ASIC2: variants seen among roughly 807,000 people sequenced by gnomAD.
The protein encoded by ASIC2 is acid sensing ion channel subunit 2, also known as acid-sensing ion channel 2.
Under a neutral mutation model 57.3 loss-of-function variants are expected in ASIC2, and 25 were observed. The observed-to-expected ratio is 0.44, with a 90% CI of 0.32 to 0.61. The LOEUF (loss-of-function observed/expected upper bound fraction) is 0.61. Among genes scored for constraint, ASIC2 ranks in the 20% least tolerant of loss-of-function variants. ASIC2 has a pLI of 0.06. For synonymous variants in ASIC2, 319 were observed against 307.5 expected (o/e 1.04, Z -0.39); for missense variants, 641 against 738.1 (o/e 0.87, Z 1.52).
chr17:33,884,140 A>G (rs1914768624), intron 1 of ASIC2, among the ~76,000 whole-genome samples: 1 of 152,192 alleles, frequency 6.6e-6, no homozygotes, highest in African/African-American at 2.4e-5. Flanking sequence ...TGACCTCTGC[A>G]CCATTCCATC....
intron 1 of ASIC2, among the ~76,000 whole-genome samples, chr17:33,800,610 C>T (rs971237261): frequency 4.6e-5 from 7 of 152,112 alleles, no homozygotes; most frequent in Admixed American, 3.9e-4. Context: ...ATTCCAGGGA[C>T]CACTCACACC....
intron 1 of ASIC2, among the ~76,000 whole-genome samples, chr17:33,773,431 G>T (rs1046615014): frequency 1.3e-5 from 2 of 152,106 alleles, no homozygotes; most frequent in African/African-American, 4.8e-5. Flanking sequence ...TGGCCAAGTT[G>T]CAGATCCATA....
At chr17:34,122,072 GGTT>G (rs1356934482) in intron 1 of ASIC2, among the ~76,000 whole-genome samples, 2 of 152,130 alleles carry the variant, frequency 1.3e-5, no homozygotes, top group Non-Finnish European at 2.9e-5. Flanking sequence ...CCCAACAAAT[GGTT>G]GTTATCTTTT....
At chr17:33,350,687 A>AAAAAGAAAGAAAGAAAGAAAGAAAGAAAG (rs1908129738) in intron 1 of ASIC2, among the ~76,000 whole-genome samples, 1 of 145,556 alleles carries the variant, frequency 6.9e-6, no homozygotes, top group Non-Finnish European at 1.5e-5. Context: ...GTGAGAAAAA[A>AAAAAGAAAGAAAGAAAGAAAGAAAGAAAG]AAAGAAAGAA....
At chr17:34,099,733 G>GGAAA (rs566624092) in intron 1 of ASIC2, among the ~76,000 whole-genome samples, 32 of 126,368 alleles carry the variant, frequency 2.5e-4, no homozygotes, top group East Asian at 2.0e-3. Context: ...AAGGAAAGAA[G>GGAAA]GAAAGAAAGA....
At chr17:34,069,773 T>C (rs189446012) in intron 1 of ASIC2, 1 of 152,230 alleles carries the variant, frequency 6.6e-6, no homozygotes, top group South Asian at 2.1e-4. Flanking sequence ...AAGTCCAACA[T>C]AGCAGGTGTT....
Position 33,819,993 on chromosome 17 carries a change from G to C in ASIC2, c.555+335985C>G, listed in dbSNP as rs574764889. On this transcript the variant is annotated intron_variant, in intron 1 of 9. Coordinates refer to the ASIC2 transcript ENST00000359872. ...AATTCCCTTTGCTGCCTACCTCAAG[G>C]AGCTGAAAATCTGAGACTCTTATGG... 2.5e-3 allele frequency among the ~76,000 whole-genome samples: 375 copies of C among 152,174 alleles called. 2 individuals carry two copies. The highest frequency in any genetic ancestry group is 8.7e-3 in the African/African-American group (360 of 41,516).
chr17:33,601,446 G>C (rs889173183), intron 1 of ASIC2, among the ~76,000 whole-genome samples: 19 of 152,184 alleles, frequency 1.2e-4, no homozygotes, highest in African/African-American at 3.9e-4. Context: ...CCCAGCTGTG[G>C]CTCAGGCAGG....
chr17:33,564,051 A>G (rs987109650), intron 1 of ASIC2, among the ~76,000 whole-genome samples: 7 of 152,166 alleles, frequency 4.6e-5, no homozygotes, highest in Admixed American at 1.3e-4. Context: ...AGGAAGTCAC[A>G]TATTCCTGTG....
chr17:33,293,051 G>A lies in ASIC2; in HGVS notation c.-936C>T. The stretch of plus-strand genomic sequence containing the variant: ...CGCGTCTTCTCTCTGCCCCCGCGGC[G>A]ACAAGAGCTGGGGACTGCGGGGACC... On this transcript the variant is annotated 5_prime_UTR_variant, in exon 1 of 10. Coordinates refer to ENST00000225823, the MANE Select transcript of ASIC2 (RefSeq NM_183377.2). The A allele has an allele frequency of 1.0e-6, 1 of 985,042 alleles. No individual in the cohort carries two copies. Among genetic ancestry groups the A allele is most frequent in the Non-Finnish European group, 1.2e-6 (1 of 829,652 alleles). The allele number at this position is 985,042 out of a possible 1,614,324, so 61.0% of individuals were successfully genotyped here.
chr17:33,783,803 G>A (rs1911525722), intron 1 of ASIC2, among the ~76,000 whole-genome samples: 1 of 152,364 alleles, frequency 6.6e-6, no homozygotes, highest in African/African-American at 2.4e-5. Flanking sequence ...CAAATCATGT[G>A]CCCACTTTAG....
intron 1 of ASIC2, among the ~76,000 whole-genome samples, chr17:33,933,173 C>T (rs1209473863): frequency 6.6e-6 from 1 of 152,150 alleles, no homozygotes; most frequent in Non-Finnish European, 1.5e-5. Context: ...GTTACTTCTG[C>T]CTAAAACACT....
intron 1 of ASIC2, among the ~76,000 whole-genome samples, chr17:33,837,166 T>G (rs909103333): frequency 6.6e-6 from 1 of 152,176 alleles, no homozygotes; most frequent in Non-Finnish European, 1.5e-5. Context: ...TAAGTTTTCG[T>G]CTCTCCTTAG....
chr17:33,413,918 G>A (rs1280752805), intron 1 of ASIC2, among the ~76,000 whole-genome samples: 2 of 152,158 alleles, frequency 1.3e-5, no homozygotes, highest in East Asian at 1.9e-4. Flanking sequence ...GCTCTGCAGG[G>A]GCAAAGAGCA....
At chr17:34,024,669 C>A (rs1208585294) in intron 1 of ASIC2, among the ~76,000 whole-genome samples, 2 of 152,210 alleles carry the variant, frequency 1.3e-5, no homozygotes, top group East Asian at 1.9e-4. Context: ...CCGGCAGTGA[C>A]CCCAAGAGAC....
intron 1 of ASIC2, among the ~76,000 whole-genome samples, chr17:33,424,197 T>C (rs1199434548): frequency 6.6e-6 from 1 of 152,162 alleles, no homozygotes; most frequent in Non-Finnish European, 1.5e-5. Flanking sequence ...CTTTCCTCAC[T>C]CCTGCCCCCA....
intron 1 of ASIC2, among the ~76,000 whole-genome samples, chr17:33,403,505 C>T (rs1415338973): frequency 6.6e-6 from 1 of 152,126 alleles, no homozygotes; most frequent in Non-Finnish European, 1.5e-5. Flanking sequence ...CTTACTTGCA[C>T]AGAAAAAATG....
At chr17:33,810,604 G>A (rs774005230) in intron 1 of ASIC2, among the ~76,000 whole-genome samples, 10 of 152,248 alleles carry the variant, frequency 6.6e-5, no homozygotes, top group Non-Finnish European at 1.2e-4. Flanking sequence ...ATCTGAGCAG[G>A]TGTCACTGCC....
intron 1 of ASIC2, among the ~76,000 whole-genome samples, chr17:33,577,631 G>A (rs1036289939): frequency 3.9e-5 from 6 of 152,168 alleles, no homozygotes; most frequent in African/African-American, 1.4e-4. Flanking sequence ...GGATTTGGGT[G>A]CAGCAAATGA....
Sources: allele counts gnomAD v4.1 joint callset (sites outside exome capture counted in the v4.1 genomes callset), GRCh38; gene constraint gnomAD v4.1.1; transcripts MANE v1.5; gene names NCBI Gene and HGNC (gene_info 2026-07-23, HGNC 2026-07-21).